MAEL: variants seen among roughly 807,000 people sequenced by gnomAD.
The protein encoded by MAEL is maelstrom spermatogenic transposon silencer, also known as protein maelstrom homolog.
A neutral mutation model predicts 62.0 loss-of-function variants in MAEL; 46 were observed. The observed-to-expected ratio is 0.74, with a 90% CI of 0.59 to 0.95. The LOEUF is 0.95. Ranked by LOEUF, MAEL falls within the 40% of genes least tolerant of loss-of-function variation. The probability of loss-of-function intolerance (pLI) is 0.00; values close to 1 mark genes in which losing one functional copy is unlikely to be tolerated. For synonymous variants in MAEL, 172 were observed against 175.5 expected, an observed-to-expected ratio of 0.98 and a Z score of 0.16; for missense variants, 497 against 526.8, an observed-to-expected ratio of 0.94 and a Z score of 0.55.
At chr1:166,987,361 T>C (rs1051346733), upstream of MAEL, among the ~76,000 whole-genome samples, 1 of 152,206 alleles carries the variant, frequency 6.6e-6, no homozygotes, top group Non-Finnish European at 1.5e-5. Flanking sequence ...AATAGCTCAT[T>C]CCTTTTCATT....
At chr1:166,987,700 G>A (rs767633356), upstream of MAEL, among the ~76,000 whole-genome samples, 1 of 152,050 alleles carries the variant, frequency 6.6e-6, no homozygotes, top group Non-Finnish European at 1.5e-5. Context: ...CAAAAATTAG[G>A]TGAATAAAAC....
chr1:167,005,270 C>T lies in MAEL; in HGVS notation c.718C>T (p.Leu240=). ...MAKASEIRQD[L]QLLTVEDLVV... The stretch of plus-strand genomic sequence containing the variant: ...ACTAATGGAAGAAATCAGGCAAGAT[C>T]TACAACTTCTCACTGTAGAGGACCT... Residue 240 remains leucine, a synonymous_variant, in exon 8 of 12, where the codon CTA becomes TTA. Coordinates refer to ENST00000367872, the MANE Select transcript of MAEL (RefSeq NM_032858.3). 1 of 1,613,206 alleles carries T rather than the reference C, an allele frequency of 6.2e-7. No homozygotes were observed. Among genetic ancestry groups the T allele is most frequent in the Non-Finnish European group, 8.5e-7 (1 of 1,179,658 alleles).
upstream of MAEL, among the ~76,000 whole-genome samples, chr1:166,988,348 T>TA (rs71073633): frequency 0.039 from 3,593 of 92,816 alleles, 75 homozygotes; most frequent in Non-Finnish European, 0.045. Context: ...AGACCCTGTC[T>TA]AAAAAAAAAA....
intron 8 of MAEL, among the ~76,000 whole-genome samples, chr1:167,014,476 A>G (rs887232384): frequency 4.6e-5 from 7 of 152,216 alleles, no homozygotes; most frequent in Non-Finnish European, 7.3e-5. Context: ...CTCCTGTCCA[A>G]TAAGACTCTA....
At chr1:166,991,344 A>G in intron 2 of MAEL, 34 bp from the exon 3 acceptor site, 1 of 1,372,348 alleles carries the variant, frequency 7.3e-7, no homozygotes, top group Non-Finnish European at 1.0e-6. Flanking sequence ...GCCCAGCAAG[A>G]GTTTATGTGG....
chr1:166,994,244 G>A (rs974262408), intron 5 of MAEL, among the ~76,000 whole-genome samples, 175 bp downstream of exon 5: 4 of 152,192 alleles, frequency 2.6e-5, no homozygotes, highest in Non-Finnish European at 1.5e-5. Context: ...TTTATAGACT[G>A]ATAGTATACT....
chr1:166,989,317 G>T lies in MAEL; in HGVS notation c.-36G>T, dbSNP rs369323097. ...AGCCCGGCGAGGGCGCCGGTGCTTT[G>T]TTCTGTCTGAGGCCAGGAAGTTTGA... is the stretch of plus-strand genomic sequence containing the variant. On this transcript the variant is annotated 5_prime_UTR_variant, in exon 1 of 12. Transcript: ENST00000367872. 10 of 1,598,596 alleles carry T rather than the reference G, an allele frequency of 6.3e-6. No homozygotes were observed. The highest frequency in any genetic ancestry group is 1.3e-5 in the African/African-American group (1 of 74,756).
chr1:167,004,320 G>A lies in MAEL; in HGVS notation c.648+16G>A. On this transcript the variant is annotated intron_variant, in intron 6 of 11. Coordinates refer to ENST00000367872, the MANE Select transcript of MAEL (RefSeq NM_032858.3). ...CTACTGCAAGGTAATTTCAGGTTAAGAAGTTCTTTTAAGGTATCAATTTAT... is the reference window on the plus strand; with the variant it reads ...CTACTGCAAGGTAATTTCAGGTTAAAAAGTTCTTTTAAGGTATCAATTTAT... The A allele has an allele frequency of 4.4e-6, 7 of 1,579,118 alleles. No homozygotes were observed. The highest frequency in any genetic ancestry group is 6.0e-6 in the Non-Finnish European group (7 of 1,168,084).
intron 1 of MAEL, among the ~76,000 whole-genome samples, chr1:166,983,821 G>T (rs1663833474): frequency 6.6e-6 from 1 of 151,872 alleles, no homozygotes; most frequent in East Asian, 1.9e-4. Context: ...GGGCAACATG[G>T]CAAAACCCCG....
Position 167,021,811 on chromosome 1 carries a change from A to G in MAEL, c.1261A>G (p.Met421Val). Reference sequence around the variant, plus strand: ...CTGTGACACTTCACTCTCACCTTACATGTCCCAAAAAGATGGATACAAATC... The same window carrying G: ...CTGTGACACTTCACTCTCACCTTACGTGTCCCAAAAAGATGGATACAAATC... The part of the protein sequence containing the change: ...SNCDTSLSPY[M>V]SQKDGYKSFS... The change falls in exon 12 of 12, where the codon ATG (methionine) becomes GTG (valine). Residue 421 changes from methionine (M) to valine (V), a missense_variant. Met to Val is a conservative substitution (Grantham distance 21). Transcript: ENST00000367872. 9 of 1,611,660 alleles carry G rather than the reference A, an allele frequency of 5.6e-6. No homozygotes were observed. Among genetic ancestry groups the G allele is most frequent in the South Asian group, 5.5e-5 (5 of 90,718 alleles).
chr1:166,998,281 T>A (rs906422622), intron 5 of MAEL, among the ~76,000 whole-genome samples: 3 of 152,186 alleles, frequency 2.0e-5, no homozygotes, highest in African/African-American at 7.2e-5. Flanking sequence ...ATTTTTTAGA[T>A]CCGTAATATC....
intron 8 of MAEL, among the ~76,000 whole-genome samples, chr1:167,006,630 TATATATACA>T (rs1557982526): frequency 3.4e-5 from 3 of 87,652 alleles, no homozygotes; most frequent in South Asian, 3.4e-4. Context: ...TATATATATA[TATATATACA>T]TTTTTTTTTT....
chr1:167,016,975 C>G (rs184814551), intron 9 of MAEL, among the ~76,000 whole-genome samples: 17 of 152,050 alleles, frequency 1.1e-4, no homozygotes, highest in African/African-American at 3.9e-4. Context: ...GGAATGATTA[C>G]TAGAGGCTAG....
chr1:166,988,104 C>T (rs1273970330), upstream of MAEL, among the ~76,000 whole-genome samples: 1 of 152,072 alleles, frequency 6.6e-6, no homozygotes, highest in Non-Finnish European at 1.5e-5. Context: ...AATCCCAGCA[C>T]TCTGGGAGGC....
chr1:167,004,972 C>G, intron 6 of MAEL, 104 bp from the exon 7 acceptor site: 1 of 1,095,764 alleles, frequency 9.1e-7, no homozygotes, highest in South Asian at 1.5e-5. Flanking sequence ...TGCCCCCTAC[C>G]TCCCAACCCC....
At chr1:166,977,687 C>T (rs765531082) in intron 1 of MAEL, among the ~76,000 whole-genome samples, 23 of 152,208 alleles carry the variant, frequency 1.5e-4, no homozygotes, top group Admixed American at 4.6e-4. Flanking sequence ...GGTGCAGTGG[C>T]TCACACCTGT....
chr1:166,998,321 TAAC>T (rs1388311544), intron 5 of MAEL, among the ~76,000 whole-genome samples: 2 of 152,228 alleles, frequency 1.3e-5, no homozygotes, highest in East Asian at 1.9e-4. Context: ...TTTTCTCCAT[TAAC>T]AATCTGAATA....
Position 167,016,608 on chromosome 1 carries a change from C to T in MAEL, c.908+324C>T, listed in dbSNP as rs116253735. ...TCCAAAAAACTAAAAATAGAGCTAC[C>T]GTTATGATCCAGCACTTCTACTGCT... On this transcript the variant is annotated intron_variant, in intron 9 of 11. Coordinates refer to ENST00000367872, the MANE Select transcript of MAEL (RefSeq NM_032858.3). Among the ~76,000 whole-genome samples the T allele has an allele frequency of 7.9e-4, 120 of 152,162 alleles. 1 individual carries two copies. Among genetic ancestry groups the T allele is most frequent in the African/African-American group, 2.5e-3 (105 of 41,540 alleles).
chr1:167,020,874 A>AT (rs1665597957), intron 10 of MAEL, among the ~76,000 whole-genome samples: 2 of 152,180 alleles, frequency 1.3e-5, no homozygotes, highest in South Asian at 4.2e-4. Context: ...TTAAAAAAAA[A>AT]GGCAAACCCT....
Sources: gnomAD v4.1 joint callset for allele counts (sites outside exome capture counted in the v4.1 genomes callset) on GRCh38, gnomAD v4.1.1 for gene constraint, MANE v1.5 for transcripts, NCBI Gene and HGNC (gene_info 2026-07-23, HGNC 2026-07-21) for gene names.